CNTNAP2: variants seen among roughly 807,000 people sequenced by gnomAD.
CNTNAP2 encodes the protein contactin associated protein 2.
In CNTNAP2, 98 loss-of-function variants were observed where a neutral mutation model predicts 155.2. The observed-to-expected ratio is 0.63, with a 90% CI of 0.54 to 0.75. The LOEUF (loss-of-function observed/expected upper bound fraction) is 0.75. Among genes scored for constraint, CNTNAP2 ranks in the 30% least tolerant of loss-of-function variants. CNTNAP2 has a pLI of 0.00. For synonymous variants in CNTNAP2, 651 were observed against 631.2 expected (o/e 1.03, Z -0.47); for missense variants, 1,727 against 1,688.1 (o/e 1.02, Z -0.40).
intron 3 of CNTNAP2, among the ~76,000 whole-genome samples, chr7:146,914,471 A>AT (rs1310845904): frequency 2.6e-5 from 4 of 151,376 alleles, no homozygotes; most frequent in East Asian, 3.9e-4. Context: ...TTTTTTTTTA[A>AT]TTTTTTTATT....
At chr7:148,241,075 C>G (rs1284728648) in intron 20 of CNTNAP2, among the ~76,000 whole-genome samples, 2 of 152,212 alleles carry the variant, frequency 1.3e-5, no homozygotes, top group Non-Finnish European at 2.9e-5. Context: ...TCAATTCAAC[C>G]AAGTTGACAG....
intron 3 of CNTNAP2, among the ~76,000 whole-genome samples, chr7:146,854,364 G>C (rs1472374658): frequency 6.6e-6 from 1 of 152,212 alleles, no homozygotes; most frequent in Non-Finnish European, 1.5e-5. Flanking sequence ...GTATGTTTAT[G>C]TGTGCTTTTT....
intron 1 of CNTNAP2, among the ~76,000 whole-genome samples, chr7:146,595,731 T>C (rs1429374403): frequency 6.6e-6 from 1 of 152,090 alleles, no homozygotes; most frequent in East Asian, 1.9e-4. Context: ...TCCCTAAGTA[T>C]ATATAATTTT....
intron 10 of CNTNAP2, among the ~76,000 whole-genome samples, chr7:147,416,684 C>T (rs1017109279): frequency 6.6e-6 from 1 of 152,190 alleles, no homozygotes; most frequent in African/African-American, 2.4e-5. Flanking sequence ...AAGTGCCCAG[C>T]CATAAACCAG....
chr7:146,491,473 C>A (rs569355044), intron 1 of CNTNAP2, among the ~76,000 whole-genome samples: 8 of 151,770 alleles, frequency 5.3e-5, no homozygotes, highest in East Asian at 1.9e-4. Context: ...GGGACTTTTG[C>A]AACTCAGATT....
intron 2 of CNTNAP2, among the ~76,000 whole-genome samples, chr7:146,822,237 C>T (rs1431222582): frequency 2.6e-5 from 4 of 152,030 alleles, no homozygotes; most frequent in African/African-American, 9.7e-5. Context: ...AACCCAACAC[C>T]ACATGTTCTC....
At chr7:146,941,885 T>C (rs113939216) in intron 3 of CNTNAP2, among the ~76,000 whole-genome samples, 142 of 152,216 alleles carry the variant, frequency 9.3e-4, no homozygotes, top group African/African-American at 3.1e-3. Context: ...CTTCCTTATA[T>C]GTTATTTGCT....
chr7:148,331,734 G>GGAATGGACGGATGGAGTGGATGGATA (rs1563045980), intron 21 of CNTNAP2, among the ~76,000 whole-genome samples: 1 of 16,378 alleles, frequency 6.1e-5, no homozygotes, highest in Non-Finnish European at 1.7e-4. Flanking sequence ...TTGGATGGAT[G>GGAATGGACGGATGGAGTGGATGGATA]GAGTGGATGG....
chr7:147,828,076 A>C (rs1392349739), intron 13 of CNTNAP2, among the ~76,000 whole-genome samples: 1 of 152,188 alleles, frequency 6.6e-6, no homozygotes, highest in African/African-American at 2.4e-5. Flanking sequence ...TCAACGAATG[A>C]AGAAAGAAAC....
Position 147,734,002 on chromosome 7 carries a change from T to C in CNTNAP2, c.2098+94696T>C, listed in dbSNP as rs180796046. Among the ~76,000 whole-genome samples, 462 of 152,306 alleles carry C rather than the reference T, an allele frequency of 3.0e-3. 5 individuals carry two copies. Among genetic ancestry groups the C allele is most frequent in the South Asian group, 0.016 (78 of 4,830 alleles). ...TTCCTCTTTTCCTAATTGAATGCCC[T>C]TTATTTCTTTCTCCTGCCTGACTGC... On this transcript the variant is annotated intron_variant, in intron 13 of 23. Coordinates refer to ENST00000361727, the MANE Select transcript of CNTNAP2 (RefSeq NM_014141.6).
At chr7:146,817,711 G>A (rs991813988) in intron 2 of CNTNAP2, among the ~76,000 whole-genome samples, 3 of 151,972 alleles carry the variant, frequency 2.0e-5, no homozygotes, top group Admixed American at 6.6e-5. Context: ...ACCAGATCTC[G>A]TGAGAACTCC....
intron 12 of CNTNAP2, among the ~76,000 whole-genome samples, chr7:147,616,102 G>A (rs748289262): frequency 6.6e-6 from 1 of 151,916 alleles, no homozygotes; most frequent in Non-Finnish European, 1.5e-5. Context: ...AACATGACCA[G>A]ATCTTTCTGG....
At chr7:148,099,421 T>TTTGTGTGTG (rs1804047695) in intron 15 of CNTNAP2, among the ~76,000 whole-genome samples, 1 of 140,966 alleles carries the variant, frequency 7.1e-6, no homozygotes, top group African/African-American at 2.7e-5. Flanking sequence ...AGCATTGCAA[T>TTTGTGTGTG]TGTGTGTGTG....
chr7:147,100,880 C>T (rs114872006), intron 4 of CNTNAP2, among the ~76,000 whole-genome samples: 4,682 of 152,164 alleles, frequency 0.031, 226 homozygotes, highest in African/African-American at 0.1. Flanking sequence ...GGAAAAATCA[C>T]GCCCAAAAGA....
chr7:147,866,977 T>C (rs1219338995), intron 13 of CNTNAP2, among the ~76,000 whole-genome samples: 1 of 152,244 alleles, frequency 6.6e-6, no homozygotes, highest in African/African-American at 2.4e-5. Context: ...ATGTGTGAAT[T>C]TGACCCTCTC....
chr7:147,414,647 A>T (rs1254673534), intron 10 of CNTNAP2, among the ~76,000 whole-genome samples: 2 of 152,018 alleles, frequency 1.3e-5, no homozygotes, highest in Non-Finnish European at 1.5e-5. Context: ...AAATGAATTT[A>T]AGAAATGGAT....
chr7:147,719,650 T>C (rs963638540), intron 13 of CNTNAP2, among the ~76,000 whole-genome samples: 1 of 152,000 alleles, frequency 6.6e-6, no homozygotes, highest in Non-Finnish European at 1.5e-5. Flanking sequence ...TAGGTAGGGG[T>C]ATGAAATTTC....
chr7:148,037,344 G>A (rs1462075496), intron 15 of CNTNAP2, among the ~76,000 whole-genome samples: 3 of 152,184 alleles, frequency 2.0e-5, no homozygotes, highest in Non-Finnish European at 4.4e-5. Flanking sequence ...TAATATAATG[G>A]AAGGAAATTA....
intron 21 of CNTNAP2, among the ~76,000 whole-genome samples, chr7:148,316,207 G>A (rs1353674889): frequency 6.6e-6 from 1 of 152,158 alleles, no homozygotes; most frequent in Non-Finnish European, 1.5e-5. Context: ...TTCATGGGGG[G>A]AGGAATAGCA....
Sources: allele counts gnomAD v4.1 joint callset (sites outside exome capture counted in the v4.1 genomes callset), GRCh38; gene constraint gnomAD v4.1.1; transcripts MANE v1.5; gene names NCBI Gene and HGNC (gene_info 2026-07-23, HGNC 2026-07-21).